The following USP10 variants were observed in gnomAD, a reference collection of about 807,000 sequenced individuals.
USP10 encodes ubiquitin carboxyl-terminal hydrolase 10.
Under a neutral mutation model 84.5 loss-of-function variants are expected in USP10, and 22 were observed. The observed-to-expected ratio is 0.26, with a 90% CI of 0.19 to 0.37. The LOEUF is 0.37. USP10 is among the 10% of genes least tolerant of loss of function. USP10 has a pLI of 1.00. For synonymous variants in USP10, 454 were observed against 387.6 expected (o/e 1.17, Z -2.01); for missense variants, 1,019 against 998.9 (o/e 1.02, Z -0.27).
At chr16:84,709,189 A>T (rs183737843) in intron 1 of USP10, 30 of 152,342 alleles carry the variant, frequency 2.0e-4, no homozygotes, top group Admixed American at 1.6e-3. Context: ...TAATCAGATA[A>T]TCACAGTTAC....
At chr16:84,747,622 G>C (rs1436734059) in intron 4 of USP10, among the ~76,000 whole-genome samples, 1 of 142,054 alleles carries the variant, frequency 7.0e-6, no homozygotes, top group South Asian at 2.4e-4. Context: ...TAGTGCAGGA[G>C]GCACGATCTT....
At chr16:84,741,335 C>A (rs914819756) in intron 3 of USP10, among the ~76,000 whole-genome samples, 1 of 152,230 alleles carries the variant, frequency 6.6e-6, no homozygotes, top group African/African-American at 2.4e-5. Context: ...GCTTGAGGGA[C>A]CGGGAAGCCG....
At chr16:84,776,441 T>G (rs1915032737) in intron 13 of USP10, among the ~76,000 whole-genome samples, 1 of 152,156 alleles carries the variant, frequency 6.6e-6, no homozygotes, top group Non-Finnish European at 1.5e-5. Context: ...CGATCACAAT[T>G]CCTCCTCAAC....
intron 1 of USP10, chr16:84,704,747 G>T: frequency 6.5e-7 from 1 of 1,532,334 alleles, no homozygotes; most frequent in East Asian, 2.4e-5. Flanking sequence ...AAGCTCCTGG[G>T]CCATGATCCC....
chr16:84,775,499 G>A (rs1914910670), intron 13 of USP10, among the ~76,000 whole-genome samples: 1 of 152,214 alleles, frequency 6.6e-6, no homozygotes, highest in African/African-American at 2.4e-5. Flanking sequence ...AGGCTCCCAG[G>A]CTGGCTGTTT....
chr16:84,758,942 C>T, intron 5 of USP10, 135 bp downstream of exon 5: 1 of 687,454 alleles, frequency 1.5e-6, no homozygotes. Context: ...ATTACTTGGT[C>T]TGCCTACCTT....
intron 5 of USP10, 62 bp from the exon 6 acceptor site, chr16:84,759,300 TG>T: frequency 6.9e-7 from 1 of 1,452,696 alleles, no homozygotes; most frequent in East Asian, 2.3e-5. Flanking sequence ...GTGCTTCATG[TG>T]CCTTCAGGAA....
chr16:84,702,896 G>C (rs1316898572), intron 1 of USP10, among the ~76,000 whole-genome samples: 1 of 146,780 alleles, frequency 6.8e-6, no homozygotes. Flanking sequence ...GGGAGGCTGA[G>C]GCAGGAGAAT....
rs751598424 is a variant in USP10, at chr16:84,775,176, G to A, written c.2160G>A (p.Gly720=). The A allele has an allele frequency of 1.1e-5, 18 of 1,613,750 alleles. No homozygotes were observed. In the South Asian group the frequency reaches 1.9e-4, roughly 17 times the overall value. The change falls in exon 13 of 14, where the codon GGG becomes GGA. Residue 720 remains glycine, a synonymous_variant. Transcript: ENST00000219473. The part of the protein sequence containing the change: ...LEISKELLSP[G]VKNKNFKCHR... Reference sequence around the variant, plus strand: ...GTTTTCCAGAACTGCTTTCTCCAGGGGTTAAAAATAAGAATTTTAAATGCC... The same window carrying A: ...GTTTTCCAGAACTGCTTTCTCCAGGAGTTAAAAATAAGAATTTTAAATGCC...
intron 4 of USP10, among the ~76,000 whole-genome samples, chr16:84,749,653 T>C (rs1911673633): frequency 6.6e-6 from 1 of 152,186 alleles, no homozygotes; most frequent in African/African-American, 2.4e-5. Context: ...TTTCAAATAC[T>C]CACATTTCTG....
At chr16:84,778,091 CTGTGTG>C (rs113716260) in intron 13 of USP10, among the ~76,000 whole-genome samples, 21 of 143,534 alleles carry the variant, frequency 1.5e-4, no homozygotes, top group South Asian at 4.4e-4. Flanking sequence ...AAGTAAATAA[CTGTGTG>C]TGTGTGTGTG....
chr16:84,730,099 T>C (rs56410536), intron 1 of USP10, among the ~76,000 whole-genome samples: 4,653 of 152,286 alleles, frequency 0.031, 210 homozygotes, highest in African/African-American at 0.11. Flanking sequence ...AAAAACGTGC[T>C]AGGAAATCCC....
chr16:84,776,045 G>C (rs1403966639), intron 13 of USP10, among the ~76,000 whole-genome samples: 1 of 152,150 alleles, frequency 6.6e-6, no homozygotes, highest in Non-Finnish European at 1.5e-5. Flanking sequence ...ACATAACACT[G>C]CCATTTATTG....
intron 9 of USP10, among the ~76,000 whole-genome samples, chr16:84,763,868 C>T (rs1411032499): frequency 6.6e-6 from 1 of 151,266 alleles, no homozygotes; most frequent in Admixed American, 6.6e-5. Context: ...TGACGTTGCA[C>T]CTGTTGCGAT....
chr16:84,745,312 T>C lies in USP10; in HGVS notation c.831T>C (p.Asp277=). The change falls in exon 4 of 14, where the codon GAT becomes GAC. Residue 277 remains aspartate (D), a synonymous_variant. Coordinates refer to ENST00000219473, the MANE Select transcript of USP10 (RefSeq NM_005153.3). The part of the protein sequence containing the change: ...TAGAQPCVGT[D]TTENLGVANG... ...GGGCTCAGCCCTGCGTTGGTACCGA[T>C]ACTACTGAAAACCTTGGAGTTGCTA... 6.2e-7 allele frequency: 1 copy of C among 1,613,092 alleles called. No individual in the cohort carries two copies.
chr16:84,771,611 G>A (rs1054265074), intron 11 of USP10, among the ~76,000 whole-genome samples: 2 of 152,244 alleles, frequency 1.3e-5, no homozygotes, highest in Admixed American at 1.3e-4. Flanking sequence ...GCTCACGCCT[G>A]TAATCTCAGC....
intron 3 of USP10, among the ~76,000 whole-genome samples, chr16:84,742,358 A>G (rs985659491): frequency 3.9e-5 from 6 of 152,256 alleles, no homozygotes; most frequent in East Asian, 1.9e-4. Flanking sequence ...TTCTAAAGCT[A>G]TTCACAGCTT....
At chr16:84,721,846 C>T (rs375833232) in intron 1 of USP10, among the ~76,000 whole-genome samples, 5 of 152,218 alleles carry the variant, frequency 3.3e-5, no homozygotes, top group Admixed American at 1.3e-4. Flanking sequence ...TACAGGCACA[C>T]GCCGCCACAC....
At chr16:84,773,013 C>G (rs1295120011) in intron 12 of USP10, among the ~76,000 whole-genome samples, 2 of 152,134 alleles carry the variant, frequency 1.3e-5, no homozygotes, top group African/African-American at 2.4e-5. Context: ...GTATTAACAG[C>G]TGTGTTGACT....
Sources: allele counts gnomAD v4.1 joint callset (sites outside exome capture counted in the v4.1 genomes callset), GRCh38; gene constraint gnomAD v4.1.1; transcripts MANE v1.5; gene names NCBI Gene and HGNC (gene_info 2026-07-23, HGNC 2026-07-21).